The following SYNE3 variants were observed in gnomAD, a reference collection of about 807,000 sequenced individuals.
SYNE3 encodes spectrin repeat containing nuclear envelope family member 3, also known as nesprin-3.
A neutral mutation model predicts 111.2 loss-of-function variants in SYNE3; 100 were observed. The ratio of observed to expected loss-of-function variants is 0.90; its 90% CI spans 0.77 to 1.06. The LOEUF (loss-of-function observed/expected upper bound fraction) is 1.06. Among genes scored for constraint, SYNE3 ranks in the 50% least tolerant of loss-of-function variants. The pLI is 0.00. For missense variants in SYNE3, 1,160 were observed against 1,240.3 expected (o/e 0.94, Z 0.97); for synonymous variants, 547 against 533.9 (o/e 1.02, Z -0.34).
At chr14:95,428,519 C>T (rs1453527114) in intron 17 of SYNE3, among the ~76,000 whole-genome samples, 2 of 152,124 alleles carry the variant, frequency 1.3e-5, no homozygotes, top group South Asian at 2.1e-4. Flanking sequence ...TTCCAAGAGC[C>T]CACATATGAA....
At chr14:95,504,481 C>T (rs544981515) in intron 1 of SYNE3, among the ~76,000 whole-genome samples, 4 of 152,316 alleles carry the variant, frequency 2.6e-5, no homozygotes, top group African/African-American at 9.6e-5. Flanking sequence ...TGCTAAGAAT[C>T]GTGTCTCCAT....
chr14:95,469,531 CAAAAAAAAA>C (rs71132350), intron 2 of SYNE3, among the ~76,000 whole-genome samples: 27 of 99,454 alleles, frequency 2.7e-4, no homozygotes, highest in African/African-American at 5.1e-4. Flanking sequence ...CATGTCTCTA[CAAAAAAAAA>C]AAAAAAAAAA....
rs1342754410 is a variant in SYNE3 at position 95,417,703 on chromosome 14, T to A, written c.*123A>T. On this transcript the variant is annotated 3_prime_UTR_variant, in exon 18 of 18. Transcript: ENST00000682763. ...TCTGGGAACGCTGACACAGCACTGA[T>A]ATGGATGCAGCTCTGCAGTCTTTGC... 9.9e-7 allele frequency: 1 copy of A among 1,013,140 alleles called. No individual in the cohort carries two copies. The highest frequency in any genetic ancestry group is 2.4e-5 in the East Asian group (1 of 41,976). The allele number at this position is 1,013,140 out of a possible 1,614,324, so 62.8% of individuals were successfully genotyped here. A position where few individuals can be genotyped will look rare whatever the true frequency, so the allele number is the denominator to read the frequency against.
intron 1 of SYNE3, among the ~76,000 whole-genome samples, chr14:95,511,777 A>G (rs532393418): frequency 6.6e-5 from 10 of 152,250 alleles, no homozygotes; most frequent in African/African-American, 2.4e-4. Context: ...GTTTAATCTC[A>G]GGTATACTTC....
chr14:95,433,389 T>C lies in SYNE3; in HGVS notation c.2559A>G (p.Pro853=). The C allele has an allele frequency of 6.2e-7, 1 of 1,614,134 alleles. No individual in the cohort carries two copies. Among genetic ancestry groups the C allele is most frequent in the South Asian group, 1.1e-5 (1 of 91,070 alleles). ...SKLQELEARV[P]EGQHLFENLL... ...GGTTCTCAAAGAGATGCTGACCTTC[T>C]GGCACCCGAGCCTCCAGCTCCTGGG... The change falls in exon 16 of 18, where the codon CCA becomes CCG. Residue 853 remains proline, a synonymous_variant. Transcript: ENST00000682763.
Position 95,412,240 on chromosome 14 carries a change from C to T in SYNE3, c.*5586G>A, listed in dbSNP as rs1903454196. 6.6e-6 allele frequency: 1 copy of T among 152,446 alleles called. No individual in the cohort carries two copies. Among genetic ancestry groups the T allele is most frequent in the African/African-American group, 2.4e-5 (1 of 41,476 alleles). 9.4% of individuals were successfully genotyped at this position (152,446 alleles called of 1,614,324 possible). A position where few individuals can be genotyped will look rare whatever the true frequency, so the allele number is the denominator to read the frequency against. On this transcript the variant is annotated 3_prime_UTR_variant, in exon 18 of 18. Transcript: ENST00000682763. ...AGAGGCAGCAAGACACTCTCATGCC[C>T]TGTTCCGAGCTCTCCCACTGTCTCC...
chr14:95,469,254 A>AG (rs1404756138), intron 2 of SYNE3, among the ~76,000 whole-genome samples: 1 of 152,016 alleles, frequency 6.6e-6, no homozygotes. Context: ...GGGGTGAAGG[A>AG]GAGCTCCTGC....
At chr14:95,496,777 G>C (rs1051253414) in intron 1 of SYNE3, among the ~76,000 whole-genome samples, 1 of 152,136 alleles carries the variant, frequency 6.6e-6, no homozygotes, top group African/African-American at 2.4e-5. Context: ...CAGTTATATT[G>C]CATTTATGTT....
At chr14:95,432,144 AGGGGG>A in intron 16 of SYNE3, 27 bp from the exon 17 acceptor site, 1 of 1,600,994 alleles carries the variant, frequency 6.2e-7, no homozygotes, top group Admixed American at 1.7e-5. Flanking sequence ...GGAGAGGAAA[AGGGGG>A]GAAAAAAATA....
chr14:95,449,780 G>A, intron 8 of SYNE3, 151 bp downstream of exon 8: 1 of 1,398,680 alleles, frequency 7.1e-7, no homozygotes, highest in Non-Finnish European at 9.5e-7. Flanking sequence ...GACGCTCCCT[G>A]TGCACCAGGA....
chr14:95,513,396 C>A (rs11622900), intron 1 of SYNE3, among the ~76,000 whole-genome samples: 10,330 of 152,196 alleles, frequency 0.068, 383 homozygotes, highest in Admixed American at 0.078. Context: ...GAGATCCAGG[C>A]TGCACTCTGG....
intron 17 of SYNE3, among the ~76,000 whole-genome samples, chr14:95,430,825 G>A (rs371376535): frequency 6.9e-4 from 99 of 143,802 alleles, no homozygotes; most frequent in Non-Finnish European, 5.0e-4. Context: ...TGTCTCAAAG[G>A]AAAAAAAAAA....
At chr14:95,475,868 C>T in intron 1 of SYNE3, 33 bp from the exon 2 acceptor site, 2 of 1,438,918 alleles carry the variant, frequency 1.4e-6, no homozygotes, top group Non-Finnish European at 1.8e-6. Flanking sequence ...GGCCAACAGG[C>T]AGGAATGTAG....
At chr14:95,445,365 C>G (rs1886651704) in intron 9 of SYNE3, among the ~76,000 whole-genome samples, 2 of 152,204 alleles carry the variant, frequency 1.3e-5, no homozygotes, top group Admixed American at 1.3e-4. Context: ...TAGATAAGAT[C>G]AAGGATCTGG....
rs1903493199 is a variant in SYNE3, at chr14:95,413,687, G to A, written c.*4139C>T. ...CTTCCTTCCCCTGAAGATGCCCGGA[G>A]ACAAGCATCTTTGGACCCCCGGTCC... On this transcript the variant is annotated 3_prime_UTR_variant, in exon 18 of 18. Transcript: ENST00000682763. The A allele has an allele frequency of 6.6e-6, 1 of 152,288 alleles. No homozygotes were observed. The highest frequency in any genetic ancestry group is 1.5e-5 in the Non-Finnish European group (1 of 68,118). 9.4% of individuals were successfully genotyped at this position (152,288 alleles called of 1,614,324 possible).
intron 2 of SYNE3, among the ~76,000 whole-genome samples, chr14:95,468,735 C>G (rs937335254): frequency 6.6e-6 from 1 of 152,186 alleles, no homozygotes; most frequent in African/African-American, 2.4e-5. Flanking sequence ...ATTCTCCCAG[C>G]GGGATCCCCC....
intron 17 of SYNE3, among the ~76,000 whole-genome samples, chr14:95,418,490 A>G (rs1184711696): frequency 6.6e-6 from 1 of 152,172 alleles, no homozygotes. Flanking sequence ...ATATTTCACC[A>G]TCTAAATCTT....
intron 1 of SYNE3, among the ~76,000 whole-genome samples, chr14:95,488,479 C>T (rs892735589): frequency 6.6e-6 from 1 of 152,078 alleles, no homozygotes; most frequent in South Asian, 2.1e-4. Context: ...TTTCATTTCT[C>T]TTGTGTAAAT....
chr14:95,491,884 C>G (rs7151252), intron 1 of SYNE3, among the ~76,000 whole-genome samples: 10,854 of 151,360 alleles, frequency 0.072, 561 homozygotes, highest in Admixed American at 0.18. Flanking sequence ...CTAGAAAATC[C>G]AAAGAACTCT....
Sources: allele counts gnomAD v4.1 joint callset (sites outside exome capture counted in the v4.1 genomes callset), GRCh38; gene constraint gnomAD v4.1.1; transcripts MANE v1.5; gene names NCBI Gene and HGNC (gene_info 2026-07-23, HGNC 2026-07-21).